The following BAIAP2L1 variants were observed in gnomAD, a reference collection of about 807,000 sequenced individuals.
The protein encoded by BAIAP2L1 is BAR/IMD domain containing adaptor protein 2 like 1, also known as BAR/IMD domain-containing adapter protein 2-like 1.
BAIAP2L1 carries 35 observed loss-of-function variants against 66.3 expected under a neutral mutation model. The ratio of observed to expected loss-of-function variants is 0.53; its 90% CI spans 0.40 to 0.70. The LOEUF (loss-of-function observed/expected upper bound fraction) is 0.70. Ranked by LOEUF, BAIAP2L1 falls within the 30% of genes least tolerant of loss-of-function variation. BAIAP2L1 has a pLI of 0.00. For synonymous variants in BAIAP2L1, 269 were observed against 248.7 expected, an observed-to-expected ratio of 1.08 and a Z score of -0.77; for missense variants, 622 against 656.9, an observed-to-expected ratio of 0.95 and a Z score of 0.58.
At chr7:98,396,841 G>T (rs1635614) in intron 1 of BAIAP2L1, among the ~76,000 whole-genome samples, 19,469 of 152,106 alleles carry the variant, frequency 0.13, 1,478 homozygotes, top group South Asian at 0.24. Flanking sequence ...TCACCTGGAT[G>T]GCTGATGTTT....
intron 7 of BAIAP2L1, among the ~76,000 whole-genome samples, chr7:98,314,157 A>AT (rs1311456173): frequency 6.7e-6 from 1 of 150,150 alleles, no homozygotes; most frequent in Non-Finnish European, 1.5e-5. Context: ...TAATTTTTGT[A>AT]TTTTTAGTAG....
intron 3 of BAIAP2L1, among the ~76,000 whole-genome samples, chr7:98,326,815 AAG>A (rs1173575926): frequency 6.6e-6 from 1 of 152,190 alleles, no homozygotes; most frequent in Non-Finnish European, 1.5e-5. Flanking sequence ...TTGACAAGGA[AAG>A]AGAGGTTTGT....
intron 2 of BAIAP2L1, among the ~76,000 whole-genome samples, chr7:98,361,279 C>G (rs1044874020): frequency 1.3e-5 from 2 of 151,798 alleles, no homozygotes; most frequent in Admixed American, 1.3e-4. Context: ...ATCGCTTGAG[C>G]CTGGGAGGCA....
intron 2 of BAIAP2L1, among the ~76,000 whole-genome samples, chr7:98,357,040 T>G (rs1227358271): frequency 6.1e-5 from 1 of 16,432 alleles, no homozygotes; most frequent in African/African-American, 2.4e-4. Context: ...TATATATATA[T>G]ATATATATAT....
intron 12 of BAIAP2L1, among the ~76,000 whole-genome samples, chr7:98,302,998 T>C (rs1800490807): frequency 6.6e-6 from 1 of 152,164 alleles, no homozygotes; most frequent in Non-Finnish European, 1.5e-5. Flanking sequence ...GTTGCCAGTT[T>C]GGTCTAAAAC....
At chr7:98,367,865 C>A (rs969905944) in intron 1 of BAIAP2L1, among the ~76,000 whole-genome samples, 1 of 151,840 alleles carries the variant, frequency 6.6e-6, no homozygotes, top group African/African-American at 2.4e-5. Context: ...CTCAGATGGT[C>A]CACCTGCCTC....
intron 3 of BAIAP2L1, among the ~76,000 whole-genome samples, chr7:98,322,617 CACCAGGTG>C (rs1801279793): frequency 6.6e-6 from 1 of 152,178 alleles, no homozygotes; most frequent in Non-Finnish European, 1.5e-5. Context: ...AAGACATGTT[CACCAGGTG>C]ATCTGTTCCA....
chr7:98,293,966 C>A (rs769385231), intron 13 of BAIAP2L1, 108 bp downstream of exon 13: 24 of 1,297,714 alleles, frequency 1.8e-5, no homozygotes, highest in East Asian at 2.3e-5. Context: ...CAGGCCGAGG[C>A]CTTTCTCAGG....
chr7:98,293,543 C>A lies in BAIAP2L1; in HGVS notation c.1514G>T (p.Arg505Leu). ...VKLRPTVTND[R>L]SAPIIR ...CTCTCATCGAATGATGGGTGCCGAGCGATCATTCGTCACAGTCGGGCGGAG... is the reference window on the plus strand; with the variant it reads ...CTCTCATCGAATGATGGGTGCCGAGAGATCATTCGTCACAGTCGGGCGGAG... Residue 505 changes from arginine (R) to leucine (L), a missense_variant, in exon 14 of 14, where the codon CGC (arginine) becomes CTC (leucine). Coordinates refer to ENST00000005260, the MANE Select transcript of BAIAP2L1 (RefSeq NM_018842.5). 6.2e-7 allele frequency: 1 copy of A among 1,613,666 alleles called. No individual in the cohort carries two copies. Among genetic ancestry groups the A allele is most frequent in the South Asian group, 1.1e-5 (1 of 91,052 alleles).
intron 1 of BAIAP2L1, among the ~76,000 whole-genome samples, chr7:98,373,042 G>A (rs1802546856): frequency 6.6e-6 from 1 of 152,186 alleles, no homozygotes; most frequent in African/African-American, 2.4e-5. Context: ...GCCCGGTCAA[G>A]ATCAATTTTA....
intron 12 of BAIAP2L1, among the ~76,000 whole-genome samples, chr7:98,300,647 T>C (rs1427868903): frequency 1.3e-5 from 2 of 152,084 alleles, no homozygotes; most frequent in Non-Finnish European, 1.5e-5. Context: ...GCTATCCCTC[T>C]ACCTCCCCAG....
intron 3 of BAIAP2L1, among the ~76,000 whole-genome samples, chr7:98,353,493 C>T (rs1175935117): frequency 1.6e-5 from 2 of 127,462 alleles, no homozygotes; most frequent in African/African-American, 3.2e-5. Flanking sequence ...ATTATAAATA[C>T]ACATATATTT....
At chr7:98,313,000 C>T (rs749508918) in intron 7 of BAIAP2L1, among the ~76,000 whole-genome samples, 1 of 152,118 alleles carries the variant, frequency 6.6e-6, no homozygotes, top group Admixed American at 6.5e-5. Context: ...GCCTGTCCTG[C>T]GGCTGTGTGC....
chr7:98,384,772 C>T (rs111749432), intron 1 of BAIAP2L1, among the ~76,000 whole-genome samples: 4 of 145,328 alleles, frequency 2.8e-5, no homozygotes, highest in African/African-American at 1.0e-4. Flanking sequence ...GATCTCGGCT[C>T]ACTGCAACCT....
At chr7:98,378,318 G>A (rs557230124) in intron 1 of BAIAP2L1, among the ~76,000 whole-genome samples, 1 of 152,188 alleles carries the variant, frequency 6.6e-6, no homozygotes, top group Non-Finnish European at 1.5e-5. Context: ...CATCATAAGT[G>A]AATGTCATCA....
intron 3 of BAIAP2L1, among the ~76,000 whole-genome samples, chr7:98,348,026 T>C (rs1027602377): frequency 3.3e-5 from 5 of 151,946 alleles, no homozygotes; most frequent in Non-Finnish European, 2.9e-5. Flanking sequence ...TTAGGAGAAA[T>C]ATCTAATGTA....
chr7:98,327,595 C>T (rs924735171), intron 3 of BAIAP2L1, among the ~76,000 whole-genome samples: 2 of 152,078 alleles, frequency 1.3e-5, no homozygotes, highest in African/African-American at 4.8e-5. Flanking sequence ...ATCACTTGAA[C>T]TCGGGAGGCA....
rs750965128 is a variant in BAIAP2L1 at position 98,357,049 on chromosome 7, A to ATTT, written c.128-1924_128-1922dup. ...TATATATATATATATATATATATAT[A>ATTT]TTTTTTTTTTTTTTTTTTTAAGAGT... is the stretch of plus-strand genomic sequence containing the variant. On this transcript the variant is annotated intron_variant, in intron 2 of 13. Coordinates refer to ENST00000005260, the MANE Select transcript of BAIAP2L1 (RefSeq NM_018842.5). Among the ~76,000 whole-genome samples, 27 of 12,618 alleles carry ATTT rather than the reference A, an allele frequency of 2.1e-3. 4 individuals carry two copies. The highest frequency in any genetic ancestry group is 7.8e-3 in the South Asian group (1 of 128). The allele number at this position is 12,618 out of a possible 152,430, so 8.3% of individuals were successfully genotyped here. A position where few individuals can be genotyped will look rare whatever the true frequency, so the allele number is the denominator to read the frequency against.
At chr7:98,333,111 C>T (rs921440437) in intron 3 of BAIAP2L1, among the ~76,000 whole-genome samples, 3 of 152,134 alleles carry the variant, frequency 2.0e-5, no homozygotes, top group African/African-American at 7.2e-5. Context: ...TCCCTGACCA[C>T]CCTACCTAAA....
Sources: allele counts gnomAD v4.1 joint callset (sites outside exome capture counted in the v4.1 genomes callset), GRCh38; gene constraint gnomAD v4.1.1; transcripts MANE v1.5; gene names NCBI Gene and HGNC (gene_info 2026-07-23, HGNC 2026-07-21).